Variants in SUCLA2 observed in about 807,000 individuals in gnomAD.
SUCLA2 encodes succinate--CoA ligase [ADP-forming] subunit beta, mitochondrial.
SUCLA2 carries 30 observed loss-of-function variants against 54.8 expected under a neutral mutation model. That is an observed-to-expected ratio of 0.55 (90% confidence interval 0.41 to 0.74). SUCLA2 has a LOEUF of 0.74. SUCLA2 is among the 30% of genes least tolerant of loss of function. The pLI, the probability that SUCLA2 is intolerant of heterozygous loss-of-function variation, is 0.00. For missense variants in SUCLA2, 476 were observed against 562.9 expected, an observed-to-expected ratio of 0.85 and a Z score of 1.56; for synonymous variants, 172 against 188.9, an observed-to-expected ratio of 0.91 and a Z score of 0.74.
chr13:47,992,733 T>C (rs1950159540), intron 2 of SUCLA2, among the ~76,000 whole-genome samples: 1 of 152,208 alleles, frequency 6.6e-6, no homozygotes, highest in Non-Finnish European at 1.5e-5. Flanking sequence ...GCATTCCTTG[T>C]ATACAGGTAT....
rs545124448 is a variant in SUCLA2 at position 47,950,127 on chromosome 13, T to C, written c.1108-524A>G. ...AGGTCAAGAAATACTGCCTGTAACATAGATAACCCTTATAAAGAAACAATG... is the reference window on the plus strand; with the variant it reads ...AGGTCAAGAAATACTGCCTGTAACACAGATAACCCTTATAAAGAAACAATG... On this transcript the variant is annotated intron_variant, in intron 8 of 10. Coordinates refer to ENST00000646932, the MANE Select transcript of SUCLA2 (RefSeq NM_003850.3). Among the ~76,000 whole-genome samples, 27 of 152,298 alleles carry C rather than the reference T, an allele frequency of 1.8e-4. 1 individual carries two copies. The South Asian group carries it at 5.4e-3, about 30-fold the overall frequency.
chr13:47,976,416 A>G (rs1173786027), intron 4 of SUCLA2, among the ~76,000 whole-genome samples: 1 of 152,092 alleles, frequency 6.6e-6, no homozygotes, highest in Non-Finnish European at 1.5e-5. Context: ...AAGCTTCTCC[A>G]TTGGGAGAGA....
chr13:47,982,955 A>C (rs1436679575), intron 4 of SUCLA2, among the ~76,000 whole-genome samples: 1 of 152,136 alleles, frequency 6.6e-6, no homozygotes, highest in African/African-American at 2.4e-5. Context: ...TAAGGAATTA[A>C]CCCTCAAATT....
intron 4 of SUCLA2, among the ~76,000 whole-genome samples, chr13:47,973,980 T>A: frequency 6.6e-6 from 1 of 151,960 alleles, no homozygotes; most frequent in Non-Finnish European, 1.5e-5. Flanking sequence ...GGAGAAATAC[T>A]TAATGTAGAT....
chr13:47,975,719 A>G (rs1950006872), intron 4 of SUCLA2, among the ~76,000 whole-genome samples: 1 of 152,192 alleles, frequency 6.6e-6, no homozygotes, highest in South Asian at 2.1e-4. Context: ...TTTTGTCCCC[A>G]GGGTCTTGGA....
chr13:47,961,990 G>A (rs1191208625), intron 6 of SUCLA2, among the ~76,000 whole-genome samples: 1 of 152,182 alleles, frequency 6.6e-6, no homozygotes, highest in East Asian at 1.9e-4. Context: ...GACCTTTCAG[G>A]ACTCTAATTA....
intron 2 of SUCLA2, among the ~76,000 whole-genome samples, chr13:47,994,549 CAG>C (rs1219783629): frequency 1.7e-5 from 2 of 119,270 alleles, no homozygotes; most frequent in Non-Finnish European, 3.2e-5. Flanking sequence ...GCCTGGGCGA[CAG>C]AGTGAGACTC....
intron 6 of SUCLA2, among the ~76,000 whole-genome samples, chr13:47,959,423 G>A (rs1479843355): frequency 2.1e-5 from 3 of 143,644 alleles, no homozygotes; most frequent in African/African-American, 5.1e-5. Context: ...AGAGGGAGAA[G>A]GAGGAGGGAG....
chr13:47,965,132 G>A (rs1342216657), intron 6 of SUCLA2, among the ~76,000 whole-genome samples: 1 of 151,882 alleles, frequency 6.6e-6, no homozygotes, highest in Non-Finnish European at 1.5e-5. Context: ...CAAACGAATG[G>A]GGCAGAAGAG....
chr13:47,963,774 T>C (rs1949892897), intron 6 of SUCLA2, among the ~76,000 whole-genome samples: 1 of 152,162 alleles, frequency 6.6e-6, no homozygotes, highest in Admixed American at 6.5e-5. Context: ...CTGGAAGCAA[T>C]GACACAAGAT....
chr13:47,976,882 T>C (rs1950017785), intron 4 of SUCLA2, among the ~76,000 whole-genome samples: 1 of 152,076 alleles, frequency 6.6e-6, no homozygotes, highest in South Asian at 2.1e-4. Context: ...AATTTCAGAT[T>C]TGGGATGCTC....
intron 6 of SUCLA2, among the ~76,000 whole-genome samples, chr13:47,955,164 G>T (rs988534798): frequency 6.6e-6 from 1 of 152,082 alleles, no homozygotes; most frequent in Admixed American, 6.6e-5. Context: ...GAAATAGAGG[G>T]GTGAGCAAAC....
chr13:47,948,997 T>A lies in SUCLA2; in HGVS notation c.1260A>T (p.Ile420=). ...GTRVDDAKAL[I]ADSGLKILAC... is the part of the protein sequence containing the mutation. ...CAAGTATTTTAAGTCCACTGTCCGC[T>A]ATCAGTGCCTTAGCATCATCGACTC... The change falls in exon 10 of 11, where the codon ATA becomes ATT. Residue 420 remains isoleucine (I), a synonymous_variant. Coordinates refer to ENST00000646932, the MANE Select transcript of SUCLA2 (RefSeq NM_003850.3). 1 of 1,613,844 alleles carries A rather than the reference T, an allele frequency of 6.2e-7. No homozygotes were observed. Among genetic ancestry groups the A allele is most frequent in the South Asian group, 1.1e-5 (1 of 91,082 alleles).
intron 4 of SUCLA2, among the ~76,000 whole-genome samples, chr13:47,980,685 A>G (rs1437876546): frequency 6.6e-6 from 1 of 152,098 alleles, no homozygotes; most frequent in East Asian, 1.9e-4. Flanking sequence ...CACTTCTTTT[A>G]AAATATATTA....
chr13:47,975,421 GATT>G (rs1307407469), intron 4 of SUCLA2, among the ~76,000 whole-genome samples: 2 of 151,900 alleles, frequency 1.3e-5, no homozygotes, highest in Non-Finnish European at 2.9e-5. Flanking sequence ...AAAGTGCTGG[GATT>G]ATAGGCATGA....
chr13:47,969,919 T>C (rs1949948986), intron 5 of SUCLA2, among the ~76,000 whole-genome samples: 1 of 151,968 alleles, frequency 6.6e-6, no homozygotes, highest in Non-Finnish European at 1.5e-5. Context: ...CTGGGCAACA[T>C]GGTGAAACAC....
At chr13:47,981,642 C>G (rs1184591163) in intron 4 of SUCLA2, among the ~76,000 whole-genome samples, 1 of 152,118 alleles carries the variant, frequency 6.6e-6, no homozygotes, top group African/African-American at 2.4e-5. Flanking sequence ...ATAGTGAAAC[C>G]CTGTCTCTAC....
chr13:47,991,562 A>C (rs1266918325), intron 2 of SUCLA2: 1 of 152,208 alleles, frequency 6.6e-6, no homozygotes, highest in Non-Finnish European at 1.5e-5. Flanking sequence ...ATTCTCTTAC[A>C]TATATCATTT....
In SUCLA2 at chr13:47,962,862, A is replaced by ACT. The variant is rs1325238735; in HGVS notation, c.802+5732_802+5733insAG. Among the ~76,000 whole-genome samples the ACT allele has an allele frequency of 9.2e-5, 14 of 151,854 alleles. No homozygotes were observed. In the East Asian group the frequency reaches 2.5e-3, roughly 27 times the overall value. Reference sequence around the variant, plus strand: ...CTGGTCTTAAAGCTTAAAACTTAGGAGTTTTTCCTCAGGAAGGGACCTTGG... The same window carrying ACT: ...CTGGTCTTAAAGCTTAAAACTTAGGACTGTTTTTCCTCAGGAAGGGACCTTGG... On this transcript the variant is annotated intron_variant, in intron 6 of 10. Transcript: ENST00000646932.
Sources: gnomAD v4.1 joint callset for allele counts (sites outside exome capture counted in the v4.1 genomes callset) on GRCh38, gnomAD v4.1.1 for gene constraint, MANE v1.5 for transcripts, NCBI Gene and HGNC (gene_info 2026-07-23, HGNC 2026-07-21) for gene names.